Variants in PREX2 observed in about 807,000 individuals in gnomAD.
PREX2 encodes phosphatidylinositol-3,4,5-trisphosphate dependent Rac exchange factor 2.
PREX2 carries 107 observed loss-of-function variants against 203.2 expected under a neutral mutation model. That is an observed-to-expected ratio of 0.53 (90% CI 0.45 to 0.62). The LOEUF is 0.62. Ranked by LOEUF, PREX2 falls within the 20% of genes least tolerant of loss-of-function variation. PREX2 has a pLI of 0.00. For missense variants in PREX2, 1,777 were observed against 1,955.9 expected (o/e 0.91, Z 1.72); for synonymous variants, 672 against 663.6 (o/e 1.01, Z -0.19).
chr8:68,071,900 A>G (rs1299387569), intron 13 of PREX2, among the ~76,000 whole-genome samples: 1 of 152,170 alleles, frequency 6.6e-6, no homozygotes, highest in Non-Finnish European at 1.5e-5. Context: ...AATAAAAGGC[A>G]TTTCTTTACT....
intron 2 of PREX2, among the ~76,000 whole-genome samples, chr8:68,018,651 A>T (rs1207427550): frequency 6.6e-6 from 1 of 152,142 alleles, no homozygotes; most frequent in African/African-American, 2.4e-5. Context: ...TTCACTCCAC[A>T]TAATATCCTT....
intron 8 of PREX2, among the ~76,000 whole-genome samples, chr8:68,045,928 A>ATCTG (rs140126431): frequency 0.016 from 2,485 of 152,080 alleles, 51 homozygotes; most frequent in African/African-American, 0.053. Context: ...TAGAAATGTT[A>ATCTG]TCTAACATGC....
rs994362514 is a variant in PREX2 at position 68,209,070 on chromosome 8, TAAAAAAA to T, written c.4605-8532_4605-8526del. On this transcript the variant is annotated intron_variant, in intron 37 of 39. Transcript: ENST00000288368. Reference sequence around the variant, plus strand: ...CGACAGAGCAAGACCTGGACTCATTTAAAAAAAAAAAAAAAAAAAAGAAAGAAAAAAG... The same window carrying T: ...CGACAGAGCAAGACCTGGACTCATTTAAAAAAAAAAAAAGAAAGAAAAAAG... 8.7e-5 allele frequency among the ~76,000 whole-genome samples: 10 copies of T among 115,084 alleles called. No homozygotes were observed. The South Asian group carries it at 1.7e-3, about 20-fold the overall frequency. 75.5% of individuals were successfully genotyped at this position (115,084 alleles called of 152,430 possible).
At chr8:68,197,856 CT>C (rs903101567) in intron 37 of PREX2, among the ~76,000 whole-genome samples, 1 of 150,048 alleles carries the variant, frequency 6.7e-6, no homozygotes. Flanking sequence ...TTCTTATTCT[CT>C]TTTTTTTGCT....
chr8:68,115,219 G>A (rs970530922), intron 25 of PREX2, among the ~76,000 whole-genome samples: 3 of 151,650 alleles, frequency 2.0e-5, no homozygotes, highest in Non-Finnish European at 1.5e-5. Context: ...GTAGAGACGG[G>A]GTTTCTCCAA....
chr8:68,230,020 C>T (rs1813135010), intron 39 of PREX2, among the ~76,000 whole-genome samples: 2 of 152,094 alleles, frequency 1.3e-5, no homozygotes, highest in Non-Finnish European at 2.9e-5. Context: ...TTTCAGTATT[C>T]GCCTCTTGCA....
At chr8:68,089,197 C>G (rs1355495105) in intron 19 of PREX2, among the ~76,000 whole-genome samples, 1 of 138,400 alleles carries the variant, frequency 7.2e-6, no homozygotes, top group Admixed American at 7.2e-5. Context: ...CATCTTCTCT[C>G]TTTTTCCCTT....
At chr8:68,124,797 C>G (rs993025535) in intron 30 of PREX2, among the ~76,000 whole-genome samples, 2 of 152,020 alleles carry the variant, frequency 1.3e-5, no homozygotes, top group African/African-American at 4.8e-5. Flanking sequence ...TATATACATA[C>G]TGATTGATGG....
chr8:68,222,350 A>G (rs1812969187), intron 38 of PREX2, among the ~76,000 whole-genome samples: 1 of 152,000 alleles, frequency 6.6e-6, no homozygotes, highest in South Asian at 2.1e-4. Flanking sequence ...ATAAAGGAGT[A>G]CTAAACAATG....
chr8:68,153,050 C>G (rs567936376), intron 34 of PREX2, among the ~76,000 whole-genome samples: 1 of 152,276 alleles, frequency 6.6e-6, no homozygotes, highest in African/African-American at 2.4e-5. Context: ...GACTCCATTT[C>G]AAGACATTTA....
intron 32 of PREX2, among the ~76,000 whole-genome samples, chr8:68,137,191 C>T (rs1462441536): frequency 1.3e-5 from 2 of 152,172 alleles, no homozygotes; most frequent in Non-Finnish European, 2.9e-5. Flanking sequence ...CAGGCGTGAG[C>T]CACCATGCCT....
chr8:68,051,495 T>C (rs1413123557), intron 8 of PREX2, among the ~76,000 whole-genome samples: 4 of 152,174 alleles, frequency 2.6e-5, no homozygotes, highest in Admixed American at 6.6e-5. Flanking sequence ...GTGGTTAGGG[T>C]TGGGGGAAGA....
intron 38 of PREX2, among the ~76,000 whole-genome samples, chr8:68,224,027 CT>C (rs1047142103): frequency 4.0e-5 from 6 of 151,716 alleles, no homozygotes; most frequent in Non-Finnish European, 8.8e-5. Flanking sequence ...TATTATTTTT[CT>C]TTTTTTGTGA....
chr8:68,030,348 C>A, intron 5 of PREX2, 149 bp from the exon 6 acceptor site: 1 of 644,878 alleles, frequency 1.6e-6, no homozygotes, highest in Non-Finnish European at 2.5e-6. Context: ...TTGATTCAAA[C>A]TTTTATTTTT....
chr8:68,069,109 A>G lies in PREX2; in HGVS notation c.1416A>G (p.Arg472=), dbSNP rs1193707341. 6.4e-7 allele frequency: 1 copy of G among 1,573,962 alleles called. No individual in the cohort carries two copies. The highest frequency in any genetic ancestry group is 8.6e-7 in the Non-Finnish European group (1 of 1,160,522). The stretch of plus-strand genomic sequence containing the variant: ...ATGATGATGGAACATTTTATCCAAG[A>G]AATGAGATGCAGGACGTGATTTCAA... The part of the protein sequence containing the change: ...FRYDDGTFYP[R]NEMQDVISKG... The change falls in exon 12 of 40, where the codon AGA becomes AGG. Residue 472 remains arginine (R), a synonymous_variant. Coordinates refer to ENST00000288368, the MANE Select transcript of PREX2 (RefSeq NM_024870.4).
chr8:68,224,958 G>C (rs1342767646), intron 39 of PREX2, among the ~76,000 whole-genome samples: 1 of 152,034 alleles, frequency 6.6e-6, no homozygotes, highest in South Asian at 2.1e-4. Context: ...GTTCCTTCTA[G>C]CATGATTGCC....
chr8:68,174,702 C>G (rs1226112498), intron 35 of PREX2, among the ~76,000 whole-genome samples: 2 of 152,118 alleles, frequency 1.3e-5, no homozygotes, highest in Non-Finnish European at 2.9e-5. Flanking sequence ...CTCCTTTCAC[C>G]TTGTCTTTTT....
intron 1 of PREX2, among the ~76,000 whole-genome samples, chr8:68,015,016 A>C (rs1807374244): frequency 6.6e-6 from 1 of 152,238 alleles, no homozygotes; most frequent in African/African-American, 2.4e-5. Context: ...GTGTGTCAAG[A>C]TGAAGATTAT....
chr8:68,095,826 A>G (rs756907478), intron 21 of PREX2, among the ~76,000 whole-genome samples: 1 of 151,930 alleles, frequency 6.6e-6, no homozygotes, highest in Non-Finnish European at 1.5e-5. Context: ...AATTTTTGAT[A>G]GAGACAAGGT....
Sources: allele counts gnomAD v4.1 joint callset (sites outside exome capture counted in the v4.1 genomes callset), GRCh38; gene constraint gnomAD v4.1.1; transcripts MANE v1.5; gene names NCBI Gene and HGNC (gene_info 2026-07-23, HGNC 2026-07-21).